The following SCHIP1 variants were observed in gnomAD, a reference collection of about 807,000 sequenced individuals.
SCHIP1 encodes schwannomin-interacting protein 1.
SCHIP1 carries 8 observed loss-of-function variants against 29.7 expected under a neutral mutation model. That is an observed-to-expected ratio of 0.27 (90% CI 0.16 to 0.49). The LOEUF is 0.49. Ranked by LOEUF, SCHIP1 falls within the 20% of genes least tolerant of loss-of-function variation. The pLI is 0.99. For synonymous variants in SCHIP1, 76 were observed against 94.9 expected (o/e 0.80, Z 1.16); for missense variants, 193 against 294.6 (o/e 0.66, Z 2.52).
the SCHIP1 span, among the ~76,000 whole-genome samples, chr3:159,788,064 T>C: frequency 1.3e-5 from 2 of 152,226 alleles, no homozygotes; most frequent in African/African-American, 4.8e-5. Flanking sequence ...TTTTGACCCG[T>C]CTTCAATAGC....
chr3:159,400,877 C>T, the SCHIP1 span, among the ~76,000 whole-genome samples: 2 of 152,180 alleles, frequency 1.3e-5, no homozygotes, highest in African/African-American at 4.8e-5. Flanking sequence ...CTCTAGACTT[C>T]CAGGTCTTCC....
chr3:159,896,021 G>T (rs1718027417), intron 6 of SCHIP1, among the ~76,000 whole-genome samples: 1 of 152,124 alleles, frequency 6.6e-6, no homozygotes, highest in Non-Finnish European at 1.5e-5. Context: ...TAAATAAGAA[G>T]ACTCACCCTA....
At chr3:159,542,848 TAAAG>T in the SCHIP1 span, among the ~76,000 whole-genome samples, 1 of 152,044 alleles carries the variant, frequency 6.6e-6, no homozygotes, top group Non-Finnish European at 1.5e-5. Context: ...GAGACCAAAA[TAAAG>T]AAATTAACAT....
At chr3:159,405,387 C>A in the SCHIP1 span, among the ~76,000 whole-genome samples, 1 of 152,100 alleles carries the variant, frequency 6.6e-6, no homozygotes, top group Admixed American at 6.6e-5. Flanking sequence ...AAACTCAACA[C>A]AATTCAAGAT....
intron 3 of SCHIP1, chr3:159,887,189 G>A (rs1717048055): frequency 6.5e-6 from 1 of 154,288 alleles, no homozygotes; most frequent in African/African-American, 2.4e-5. Flanking sequence ...ATTAGCTCAT[G>A]TCTTTCCTTC....
At chr3:159,877,220 G>A (rs902545634) in intron 2 of SCHIP1, among the ~76,000 whole-genome samples, 1 of 152,072 alleles carries the variant, frequency 6.6e-6, no homozygotes, top group African/African-American at 2.4e-5. Context: ...AGTGGTGGCG[G>A]GCGCCTATAA....
At chr3:159,506,781 G>A in the SCHIP1 span, among the ~76,000 whole-genome samples, 14 of 152,128 alleles carry the variant, frequency 9.2e-5, no homozygotes, top group East Asian at 7.8e-4. Flanking sequence ...AGTTGTAGAC[G>A]TGTGGTATTA....
chr3:159,629,285 G>A, the SCHIP1 span, among the ~76,000 whole-genome samples: 8 of 151,820 alleles, frequency 5.3e-5, no homozygotes, highest in Non-Finnish European at 1.2e-4. Flanking sequence ...TCTAAAAAAA[G>A]AAAAAAGAAA....
the SCHIP1 span, among the ~76,000 whole-genome samples, chr3:159,525,258 C>A: frequency 6.6e-6 from 1 of 152,236 alleles, no homozygotes; most frequent in Non-Finnish European, 1.5e-5. Flanking sequence ...CGATATTTCT[C>A]ATTTGTTTCT....
At chr3:159,664,890 T>C in the SCHIP1 span, among the ~76,000 whole-genome samples, 3 of 152,242 alleles carry the variant, frequency 2.0e-5, no homozygotes, top group Non-Finnish European at 4.4e-5. Context: ...GAAATGCAGA[T>C]TCTCTGCCCC....
At chr3:159,636,083 C>G in the SCHIP1 span, among the ~76,000 whole-genome samples, 2 of 152,204 alleles carry the variant, frequency 1.3e-5, no homozygotes, top group Non-Finnish European at 2.9e-5. Context: ...GAGTCCTGCT[C>G]TGCTGCCCAG....
chr3:159,682,875 A>G, the SCHIP1 span, among the ~76,000 whole-genome samples: 3 of 152,210 alleles, frequency 2.0e-5, no homozygotes. Context: ...TATTCCTGAT[A>G]AACTTTTAAC....
chr3:159,763,687 T>A, the SCHIP1 span: 4 of 152,056 alleles, frequency 2.6e-5, no homozygotes, highest in Admixed American at 6.5e-5. Flanking sequence ...GCGTCCTCCC[T>A]CCCCTAGGGC....
the SCHIP1 span, among the ~76,000 whole-genome samples, chr3:159,336,129 G>A: frequency 4.6e-5 from 7 of 152,176 alleles, no homozygotes; most frequent in African/African-American, 1.7e-4. Context: ...TCTTTTGGCT[G>A]CATAAATGTC....
chr3:159,701,762 T>G, the SCHIP1 span, among the ~76,000 whole-genome samples: 63 of 152,286 alleles, frequency 4.1e-4, no homozygotes, highest in Non-Finnish European at 7.9e-4. Context: ...AGTGACCTTT[T>G]TTTTTCTTTG....
chr3:159,558,895 A>G, the SCHIP1 span, among the ~76,000 whole-genome samples: 68 of 152,288 alleles, frequency 4.5e-4, no homozygotes, highest in African/African-American at 1.2e-3. Flanking sequence ...TGTATTATCT[A>G]TAACTATGAC....
the SCHIP1 span, among the ~76,000 whole-genome samples, chr3:159,790,180 C>T: frequency 1.3e-5 from 2 of 152,200 alleles, no homozygotes; most frequent in African/African-American, 4.8e-5. Context: ...TCCTCAGACT[C>T]TACTCAGCAG....
At chr3:159,344,262 G>A in the SCHIP1 span, among the ~76,000 whole-genome samples, 140 of 151,292 alleles carry the variant, frequency 9.3e-4, no homozygotes, top group Non-Finnish European at 1.6e-3. Context: ...CGGAGGTTGC[G>A]GTGAGCCGAG....
chr3:159,401,851 A>C, the SCHIP1 span, among the ~76,000 whole-genome samples: 1 of 152,228 alleles, frequency 6.6e-6, no homozygotes, highest in Non-Finnish European at 1.5e-5. Flanking sequence ...GAAGGGATCC[A>C]GTTTCAGCTT....
Sources: allele counts gnomAD v4.1 joint callset (sites outside exome capture counted in the v4.1 genomes callset), GRCh38; gene constraint gnomAD v4.1.1; transcripts MANE v1.5; gene names NCBI Gene and HGNC (gene_info 2026-07-23, HGNC 2026-07-21).